Variants in PLXDC1 observed in about 807,000 individuals in gnomAD.
The protein encoded by PLXDC1 is plexin domain-containing protein 1.
PLXDC1 carries 39 observed loss-of-function variants against 61.3 expected under a neutral mutation model. The ratio of observed to expected loss-of-function variants is 0.64; its 90% CI spans 0.49 to 0.83. PLXDC1 has a LOEUF of 0.83. PLXDC1 is among the 40% of genes least tolerant of loss of function. The pLI is 0.00. For missense variants in PLXDC1, 596 were observed against 666.5 expected (o/e 0.89, Z 1.17); for synonymous variants, 212 against 254.5 (o/e 0.83, Z 1.59).
intron 7 of PLXDC1, among the ~76,000 whole-genome samples, chr17:39,097,921 A>G (rs904274671): frequency 2.0e-5 from 3 of 148,892 alleles, no homozygotes; most frequent in Non-Finnish European, 3.0e-5. Flanking sequence ...AAAAAAAAAA[A>G]AGGCCAGGTG....
intron 1 of PLXDC1, among the ~76,000 whole-genome samples, chr17:39,142,324 C>T (rs982219842): frequency 6.6e-6 from 1 of 152,194 alleles, no homozygotes; most frequent in Non-Finnish European, 1.5e-5. Flanking sequence ...GCCAGAGGCA[C>T]TCCAACTGAG....
intron 2 of PLXDC1, among the ~76,000 whole-genome samples, chr17:39,138,855 C>T (rs1232150319): frequency 2.0e-5 from 3 of 151,970 alleles, no homozygotes; most frequent in African/African-American, 4.8e-5. Flanking sequence ...CACTCCCAGC[C>T]GCAGGCACCT....
At chr17:39,069,730 G>A in intron 13 of PLXDC1, 126 bp downstream of exon 13, 1 of 715,484 alleles carries the variant, frequency 1.4e-6, no homozygotes, top group East Asian at 2.6e-5. Flanking sequence ...TGCCAGGATG[G>A]GGTGGATGAA....
At chr17:39,149,453 A>C (rs1318270725) in intron 1 of PLXDC1, among the ~76,000 whole-genome samples, 1 of 151,806 alleles carries the variant, frequency 6.6e-6, no homozygotes, top group Non-Finnish European at 1.5e-5. Flanking sequence ...GTGAAATCCC[A>C]CCTGGCCTGT....
At chr17:39,072,199 C>A in intron 12 of PLXDC1, 1 of 545,902 alleles carries the variant, frequency 1.8e-6, no homozygotes, top group South Asian at 2.3e-5. Flanking sequence ...GACAGAGAGC[C>A]AGGAGAAGAA....
At position 39,128,093 on chromosome 17, in the gene PLXDC1, A is replaced by ATG. The variant is rs199563342; in HGVS notation, c.255+11559_255+11560dup. Among the ~76,000 whole-genome samples, 148 of 58,084 alleles carry ATG rather than the reference A, an allele frequency of 2.5e-3. 9 individuals are homozygous for ATG. The Middle Eastern group carries it at 0.038, about 15-fold the overall frequency. The allele number at this position is 58,084 out of a possible 152,430, so 38.1% of individuals were successfully genotyped here. ...TCTCTCTCTCTCTCTCTCTCTCTCT[A>ATG]TGTGTATATATATATATATATGTAT... On this transcript the variant is annotated intron_variant, in intron 2 of 13. Transcript: ENST00000315392.
intron 12 of PLXDC1, 99 bp from the exon 13 acceptor site, chr17:39,070,115 G>A (rs1054399714): frequency 2.1e-5 from 18 of 864,012 alleles, no homozygotes; most frequent in South Asian, 5.4e-5. Flanking sequence ...GATGAAAGCC[G>A]ACAGAGCCTT....
At chr17:39,128,103 A>ATGTG (rs1911382871) in intron 2 of PLXDC1, among the ~76,000 whole-genome samples, 1 of 84,908 alleles carries the variant, frequency 1.2e-5, no homozygotes, top group Non-Finnish European at 2.3e-5. Flanking sequence ...ATGTGTATAT[A>ATGTG]TATATATATA....
intron 9 of PLXDC1, chr17:39,080,579 G>C (rs8068922): frequency 0.12 from 17,850 of 152,304 alleles, 1,420 homozygotes; most frequent in Non-Finnish European, 0.17. Context: ...TGTTGGCAGA[G>C]AGACCATGTC....
At chr17:39,107,550 C>A (rs1040971741) in intron 5 of PLXDC1, 25 bp from the exon 6 acceptor site, 1 of 1,525,132 alleles carries the variant, frequency 6.6e-7, no homozygotes, top group Admixed American at 1.7e-5. Flanking sequence ...AGAGACCCGG[C>A]TGGACGGGAG....
At chr17:39,079,265 G>T in intron 9 of PLXDC1, 101 bp from the exon 10 acceptor site, 1 of 1,003,556 alleles carries the variant, frequency 1.0e-6, no homozygotes, top group Admixed American at 1.8e-5. Context: ...GAGAAGAGGA[G>T]CCAAGGTCCC....
intron 7 of PLXDC1, among the ~76,000 whole-genome samples, chr17:39,096,219 G>T (rs569986546): frequency 1.3e-5 from 2 of 152,202 alleles, no homozygotes; most frequent in Non-Finnish European, 2.9e-5. Flanking sequence ...TGGAGCCCCA[G>T]CAGGGGACCC....
At chr17:39,073,758 T>C (rs1909215334) in intron 11 of PLXDC1, among the ~76,000 whole-genome samples, 1 of 152,382 alleles carries the variant, frequency 6.6e-6, no homozygotes, top group Non-Finnish European at 1.5e-5. Flanking sequence ...TGTCACTTCT[T>C]GTGGCTATCA....
At chr17:39,104,215 G>A (rs189068181) in intron 7 of PLXDC1, among the ~76,000 whole-genome samples, 11 of 152,192 alleles carry the variant, frequency 7.2e-5, no homozygotes, top group Non-Finnish European at 1.2e-4. Context: ...TGCAGCAGCT[G>A]TAGGGGCAAA....
chr17:39,141,070 C>T (rs1911921012), intron 1 of PLXDC1, among the ~76,000 whole-genome samples: 1 of 152,228 alleles, frequency 6.6e-6, no homozygotes. Context: ...TGCTCTGTCA[C>T]CCAGGCTGGG....
At chr17:39,128,209 G>C (rs73302880) in intron 2 of PLXDC1, among the ~76,000 whole-genome samples, 23 of 129,852 alleles carry the variant, frequency 1.8e-4, no homozygotes, top group East Asian at 4.5e-4. Flanking sequence ...GTATATATAT[G>C]TGTGTGTGTA....
intron 9 of PLXDC1, 72 bp from the exon 10 acceptor site, chr17:39,079,236 A>T: frequency 1.5e-6 from 2 of 1,300,874 alleles, no homozygotes. Context: ...CTGTTCAGTA[A>T]CAGCTCTCTG....
rs533461451 is a variant in PLXDC1, at chr17:39,098,726, G to A, written c.811+7128C>T. On this transcript the variant is annotated intron_variant, in intron 7 of 13. Transcript: ENST00000315392. ...GCACAGCATCTGACCTGGGCCGCTG[G>A]AGAGGGAGAATGGTGCCAAGCAGTA... is the stretch of plus-strand genomic sequence containing the variant. 3.9e-5 allele frequency among the ~76,000 whole-genome samples: 6 copies of A among 152,302 alleles called. 1 individual carries two copies. In the South Asian group the frequency reaches 1.2e-3, roughly 32 times the overall value.
intron 7 of PLXDC1, among the ~76,000 whole-genome samples, chr17:39,092,051 T>C (rs1909975400): frequency 6.6e-6 from 1 of 151,756 alleles, no homozygotes; most frequent in African/African-American, 2.4e-5. Context: ...CATAGACAGA[T>C]ACAACTTTGT....
Sources: allele counts gnomAD v4.1 joint callset (sites outside exome capture counted in the v4.1 genomes callset), GRCh38; gene constraint gnomAD v4.1.1; transcripts MANE v1.5; gene names NCBI Gene and HGNC (gene_info 2026-07-23, HGNC 2026-07-21).